XKR7: variants seen among roughly 807,000 people sequenced by gnomAD.
XKR7 encodes XK related 7.
XKR7 carries 11 observed loss-of-function variants against 42.2 expected under a neutral mutation model. That is an observed-to-expected ratio of 0.26 (90% CI 0.16 to 0.43). The LOEUF is 0.43. Among genes scored for constraint, XKR7 ranks in the 20% least tolerant of loss-of-function variants. The pLI is 1.00. For synonymous variants in XKR7, 346 were observed against 366.4 expected (o/e 0.94, Z 0.64); for missense variants, 710 against 802.2 (o/e 0.89, Z 1.39).
chr20:31,994,706 T>G (rs1215642449), intron 1 of XKR7, among the ~76,000 whole-genome samples: 1 of 152,030 alleles, frequency 6.6e-6, no homozygotes, highest in Admixed American at 6.5e-5. Flanking sequence ...ACCCCATCTC[T>G]AAAATAAAAC....
intron 1 of XKR7, among the ~76,000 whole-genome samples, chr20:31,988,200 G>A (rs539093453): frequency 2.7e-4 from 41 of 152,302 alleles, no homozygotes; most frequent in Admixed American, 8.5e-4. Flanking sequence ...GAGATGGGGT[G>A]ATGCAGACGT....
At chr20:31,989,918 A>G (rs59786561) in intron 1 of XKR7, among the ~76,000 whole-genome samples, 4,490 of 152,216 alleles carry the variant, frequency 0.029, 219 homozygotes, top group African/African-American at 0.099. Flanking sequence ...TGGCCTGGGG[A>G]TAATTTTGGA....
At chr20:31,986,534 A>C (rs545689375) in intron 1 of XKR7, among the ~76,000 whole-genome samples, 1 of 98,974 alleles carries the variant, frequency 1.0e-5, no homozygotes, top group East Asian at 3.3e-4. Context: ...ACCACCAAGC[A>C]GACCCAGCAT....
intron 1 of XKR7, among the ~76,000 whole-genome samples, chr20:31,990,179 C>T (rs3222834): frequency 8.3e-5 from 12 of 144,244 alleles, no homozygotes; most frequent in South Asian, 2.3e-4. Context: ...AAATTCATTG[C>T]GTGTGTGTGT....
intron 1 of XKR7, among the ~76,000 whole-genome samples, chr20:31,993,890 GGTT>G (rs2122279470): frequency 6.6e-6 from 1 of 152,342 alleles, no homozygotes; most frequent in Admixed American, 6.5e-5. Flanking sequence ...AGTCATCCCG[GGTT>G]GGGGCCGGGA....
intron 1 of XKR7, among the ~76,000 whole-genome samples, chr20:31,989,636 T>C (rs1224020902): frequency 6.6e-6 from 1 of 152,074 alleles, no homozygotes; most frequent in Non-Finnish European, 1.5e-5. Context: ...TTTTTAGTGA[T>C]GGACTCTCAC....
rs759770830 is a variant in XKR7, at chr20:31,978,887, C to A, written c.584+10128C>A. 8.5e-5 allele frequency among the ~76,000 whole-genome samples: 13 copies of A among 152,268 alleles called. No homozygotes were observed. The South Asian group carries it at 1.7e-3, about 19-fold the overall frequency. ...TGGTGGCTCATGCCTGTAATCCCAG[C>A]ACTTTGGGAGGCCGAGGTGGGAAGA... On this transcript the variant is annotated intron_variant, in intron 1 of 2. Coordinates refer to ENST00000562532, the MANE Select transcript of XKR7 (RefSeq NM_001011718.2).
intron 1 of XKR7, among the ~76,000 whole-genome samples, chr20:31,991,860 G>T (rs1488846964): frequency 6.6e-6 from 1 of 152,216 alleles, no homozygotes; most frequent in Non-Finnish European, 1.5e-5. Flanking sequence ...GCCCACACCT[G>T]TTATCCCAGC....
chr20:31,968,289 G>T lies in XKR7; in HGVS notation c.114G>T (p.Gly38=), dbSNP rs760308351. 18 of 1,207,924 alleles carry T rather than the reference G, an allele frequency of 1.5e-5. No individual in the cohort carries two copies. Among genetic ancestry groups the T allele is most frequent in the African/African-American group, 7.9e-5 (5 of 63,284 alleles). 74.8% of individuals were successfully genotyped at this position (1,207,924 alleles called of 1,614,324 possible). A position where few individuals can be genotyped will look rare whatever the true frequency, so the allele number is the denominator to read the frequency against. Residue 38 remains glycine (G), a synonymous_variant, in exon 1 of 3, where the codon GGG becomes GGT. Transcript: ENST00000562532. The surrounding 1 kb of genome is among the most constrained non-coding windows in gnomAD (Gnocchi z 4.5). The stretch of plus-strand genomic sequence containing the variant: ...GCGGGGAGGCGGCGGCGGCGGCCGG[G>T]CCCCCGGGGGTCGTCGGGGCGGGCG... ...GGRGEAAAAA[G]PPGVVGAGGP...
At chr20:31,969,075 G>A (rs1208419622) in intron 1 of XKR7, among the ~76,000 whole-genome samples, 2 of 152,100 alleles carry the variant, frequency 1.3e-5, no homozygotes, top group Non-Finnish European at 2.9e-5. Context: ...AGATAAATGT[G>A]AAGCTTAAAA....
intron 1 of XKR7, among the ~76,000 whole-genome samples, chr20:31,978,105 T>A (rs999605278): frequency 4.0e-5 from 6 of 151,690 alleles, no homozygotes; most frequent in African/African-American, 1.5e-4. Context: ...CTACTTTTTT[T>A]TTTTATTTTT....
In XKR7 at chr20:32,001,520, C is replaced by T. The variant is rs2064624995; in HGVS notation, c.*4063C>T. 1 of 152,228 alleles carries T rather than the reference C, an allele frequency of 6.6e-6. No individual in the cohort carries two copies. Among genetic ancestry groups the T allele is most frequent in the Non-Finnish European group, 1.5e-5 (1 of 68,070 alleles). The allele number at this position is 152,228 out of a possible 1,614,324, so 9.4% of individuals were successfully genotyped here. ...CCCTCTGAGACTTTGCTAGTCCAACCCTAAATCCCCATCACCTGGCTATCT... is the reference window on the plus strand; with the variant it reads ...CCCTCTGAGACTTTGCTAGTCCAACTCTAAATCCCCATCACCTGGCTATCT... On this transcript the variant is annotated 3_prime_UTR_variant, in exon 3 of 3. Transcript: ENST00000562532.
chr20:31,982,106 G>A (rs543674309), intron 1 of XKR7, among the ~76,000 whole-genome samples: 1 of 152,298 alleles, frequency 6.6e-6, no homozygotes, highest in East Asian at 1.9e-4. Flanking sequence ...TTTACTTGAT[G>A]ATTTAGTTAA....
At chr20:31,989,699 G>A (rs916983577) in intron 1 of XKR7, among the ~76,000 whole-genome samples, 4 of 152,080 alleles carry the variant, frequency 2.6e-5, no homozygotes, top group Non-Finnish European at 5.9e-5. Flanking sequence ...CTGCAGCCTC[G>A]AACTCCTGGA....
chr20:31,987,581 G>A (rs554111823), intron 1 of XKR7, among the ~76,000 whole-genome samples: 16 of 151,316 alleles, frequency 1.1e-4, no homozygotes, highest in Non-Finnish European at 1.5e-4. Context: ...AGCGGCCCCA[G>A]TATCAAGACA....
At position 31,997,521 on chromosome 20, in the gene XKR7, C is replaced by T. The variant is rs1265428952; in HGVS notation, c.*64C>T. The T allele has an allele frequency of 6.9e-6, 10 of 1,453,490 alleles. No individual in the cohort carries two copies. Among genetic ancestry groups the T allele is most frequent in the Non-Finnish European group, 8.3e-6 (9 of 1,086,100 alleles). 90.0% of individuals were successfully genotyped at this position (1,453,490 alleles called of 1,614,324 possible). A position where few individuals can be genotyped will look rare whatever the true frequency, so the allele number is the denominator to read the frequency against. On this transcript the variant is annotated 3_prime_UTR_variant, in exon 3 of 3. Transcript: ENST00000562532. ...ATCCCACATCCGCCGCAGTGTTGTG[C>T]CCCGAATTTCAGGGCCACCAGGCTA...
At chr20:31,972,833 A>C (rs563445698) in intron 1 of XKR7, among the ~76,000 whole-genome samples, 88 of 152,336 alleles carry the variant, frequency 5.8e-4, no homozygotes, top group Non-Finnish European at 9.3e-4. Context: ...GAAGCCCTGC[A>C]TGACAGAGAA....
At chr20:31,984,281 G>C (rs1208410643) in intron 1 of XKR7, among the ~76,000 whole-genome samples, 1 of 151,660 alleles carries the variant, frequency 6.6e-6, no homozygotes, top group Non-Finnish European at 1.5e-5. Context: ...AACAAGTAGT[G>C]GGGAGTGGCC....
chr20:31,978,678 G>A (rs1296340935), intron 1 of XKR7, among the ~76,000 whole-genome samples: 2 of 152,190 alleles, frequency 1.3e-5, no homozygotes, highest in Non-Finnish European at 2.9e-5. Flanking sequence ...CTCTTTACTT[G>A]TAATTATTTA....
Sources: gnomAD v4.1 joint callset for allele counts (sites outside exome capture counted in the v4.1 genomes callset) on GRCh38, gnomAD v4.1.1 for gene constraint, Gnocchi (gnomAD v3.1) non-coding constraint, MANE v1.5 for transcripts, NCBI Gene and HGNC (gene_info 2026-07-23, HGNC 2026-07-21) for gene names.